Variants in CCDC33 observed in about 807,000 individuals in gnomAD.
The protein encoded by CCDC33 is coiled-coil domain-containing protein 33.
Under a neutral mutation model 91.9 loss-of-function variants are expected in CCDC33, and 94 were observed. The ratio of observed to expected loss-of-function variants is 1.02; its 90% CI spans 0.87 to 1.21. The LOEUF (loss-of-function observed/expected upper bound fraction) is 1.21. CCDC33 is among the 50% of genes most tolerant of loss of function. CCDC33 has a pLI of 0.00. For synonymous variants in CCDC33, 396 were observed against 374.5 expected, an observed-to-expected ratio of 1.06 and a Z score of -0.66; for missense variants, 940 against 935.5, an observed-to-expected ratio of 1.00 and a Z score of -0.06.
intron 2 of CCDC33, among the ~76,000 whole-genome samples, chr15:74,260,345 C>T (rs1046824318): frequency 6.6e-6 from 1 of 152,180 alleles, no homozygotes; most frequent in East Asian, 1.9e-4. Flanking sequence ...TTCTGCAGAG[C>T]CTGCAGGGGT....
chr15:74,304,381 C>G (rs2059852658), intron 11 of CCDC33: 1 of 152,248 alleles, frequency 6.6e-6, no homozygotes, highest in Non-Finnish European at 1.5e-5. Context: ...TCCGGCAGGG[C>G]TGTTCCCAGA....
At chr15:74,245,455 AGGCT>A (rs1474548291) in intron 2 of CCDC33, among the ~76,000 whole-genome samples, 2 of 152,122 alleles carry the variant, frequency 1.3e-5, no homozygotes, top group Non-Finnish European at 2.9e-5. Context: ...CTTGGCAGGG[AGGCT>A]GGTTTCTAGC....
intron 11 of CCDC33, among the ~76,000 whole-genome samples, chr15:74,314,302 C>T (rs927439508): frequency 1.3e-5 from 2 of 152,246 alleles, no homozygotes; most frequent in Non-Finnish European, 2.9e-5. Context: ...ATCTGTGTCT[C>T]CAGTGCCCAC....
upstream of CCDC33, among the ~76,000 whole-genome samples, chr15:74,234,757 C>T (rs886853209): frequency 4.6e-5 from 7 of 152,172 alleles, no homozygotes; most frequent in African/African-American, 7.2e-5. Flanking sequence ...CCCCGAGCCC[C>T]GGGGACTGAG....
chr15:74,218,942 CCT>C lies in CCDC33; in HGVS notation c.675+82_675+83del. On this transcript the variant is annotated intron_variant, in intron 2 of 2. Coordinates refer to the CCDC33 transcript ENST00000635913. This position sits in a 1 kb window ranked among gnomAD's most constrained non-coding sequence, Gnocchi z 4.8. ...GCCTCCGTGATAAGCCAGGCTACCCCCTGTCCTGAGCTGAGCTGAGCAGAGCA... is the reference window on the plus strand; with the variant it reads ...GCCTCCGTGATAAGCCAGGCTACCCCGTCCTGAGCTGAGCTGAGCAGAGCA... The C allele has an allele frequency of 8.5e-7, 1 of 1,183,228 alleles. No individual in the cohort carries two copies. Among genetic ancestry groups the C allele is most frequent in the South Asian group, 1.5e-5 (1 of 64,882 alleles). 73.3% of individuals were successfully genotyped at this position (1,183,228 alleles called of 1,614,324 possible).
chr15:74,331,018 A>G lies in CCDC33; in HGVS notation c.1583A>G (p.Gln528Arg). Residue 528 changes from glutamine to arginine, a missense_variant, in exon 14 of 19, where the codon CAG becomes CGG. Gln to Arg is a conservative substitution (Grantham distance 43). Transcript: ENST00000398814. The stretch of plus-strand genomic sequence containing the variant: ...GAGAAGGAGCTGCTCCTTCTGTATC[A>G]GGCCCAGCAGCCACAGGCCGCTCTG... ...DREKELLLLY[Q>R]AQQPQAALLK... The G allele has an allele frequency of 1.2e-6, 2 of 1,609,366 alleles. No individual in the cohort carries two copies. Among genetic ancestry groups the G allele is most frequent in the Non-Finnish European group, 1.7e-6 (2 of 1,177,740 alleles).
At chr15:74,317,322 C>G (rs915152364) in intron 11 of CCDC33, among the ~76,000 whole-genome samples, 3 of 152,180 alleles carry the variant, frequency 2.0e-5, no homozygotes, top group African/African-American at 7.2e-5. Flanking sequence ...GATCGCGCCA[C>G]TGTACTCCAG....
rs537361497 is a variant in CCDC33, at chr15:74,270,726, G to A, written c.547-977G>A. Among the ~76,000 whole-genome samples, 123 of 152,210 alleles carry A rather than the reference G, an allele frequency of 8.1e-4. 2 individuals carry two copies. Among genetic ancestry groups the A allele is most frequent in the African/African-American group, 2.8e-3 (115 of 41,542 alleles). On this transcript the variant is annotated intron_variant, in intron 5 of 18. Coordinates refer to ENST00000398814, the MANE Select transcript of CCDC33 (RefSeq NM_025055.5). The stretch of plus-strand genomic sequence containing the variant: ...GGCCTCTTAGGCTGGCAGCAGAGGC[G>A]CATGGGGACAGACTCCCTGTCTCCC...
intron 1 of CCDC33, among the ~76,000 whole-genome samples, chr15:74,209,181 A>G (rs2074329174): frequency 6.6e-6 from 1 of 152,054 alleles, no homozygotes; most frequent in African/African-American, 2.4e-5. Context: ...GGGGCCCCAC[A>G]CAACACACAG....
rs527513117 is a variant in CCDC33 at position 74,218,284 on chromosome 15, G to A, written c.311-213G>A. The stretch of plus-strand genomic sequence containing the variant: ...AGCCCTCCCTTCCTCACCCCTGCCC[G>A]GTGGGCTTGGATTGGGCATCAGCAA... On this transcript the variant is annotated intron_variant, in intron 1 of 2. Coordinates refer to the CCDC33 transcript ENST00000635913. The surrounding 1 kb of genome is among the most constrained non-coding windows in gnomAD (Gnocchi z 4.8). Among the ~76,000 whole-genome samples, 1 of 152,158 alleles carries A rather than the reference G, an allele frequency of 6.6e-6. No individual in the cohort carries two copies. Among genetic ancestry groups the A allele is most frequent in the African/African-American group, 2.4e-5 (1 of 41,452 alleles).
intron 3 of CCDC33, among the ~76,000 whole-genome samples, chr15:74,264,029 G>T (rs2076098869): frequency 6.6e-6 from 1 of 152,138 alleles, no homozygotes; most frequent in Non-Finnish European, 1.5e-5. Flanking sequence ...AATAAGGTCA[G>T]TGACCCCAGG....
chr15:74,323,888 G>A (rs1325925510), intron 11 of CCDC33, among the ~76,000 whole-genome samples: 1 of 148,672 alleles, frequency 6.7e-6, no homozygotes, highest in Non-Finnish European at 1.5e-5. Context: ...TCAGGAGTTC[G>A]AGACTAGCCT....
intron 11 of CCDC33, among the ~76,000 whole-genome samples, chr15:74,312,468 C>T (rs771660771): frequency 6.6e-6 from 1 of 152,142 alleles, no homozygotes; most frequent in African/African-American, 2.4e-5. Context: ...ATTGTGCTAC[C>T]GGCTGCAGAT....
intron 2 of CCDC33, among the ~76,000 whole-genome samples, chr15:74,247,963 G>C (rs1307067084): frequency 6.6e-6 from 1 of 152,138 alleles, no homozygotes; most frequent in East Asian, 1.9e-4. Flanking sequence ...TGTAATCCCA[G>C]CTACTTGGGA....
At chr15:74,288,581 G>A (rs1043042329) in intron 10 of CCDC33, among the ~76,000 whole-genome samples, 2 of 152,352 alleles carry the variant, frequency 1.3e-5, no homozygotes, top group East Asian at 3.9e-4. Flanking sequence ...ACATCAGTAA[G>A]CAGCATGTCT....
intron 18 of CCDC33, chr15:74,335,635 G>A (rs1482285494): frequency 5.1e-6 from 2 of 391,932 alleles, no homozygotes; most frequent in Non-Finnish European, 9.3e-6. Context: ...TGAGCCAGCT[G>A]TGCTTTGCCC....
At chr15:74,323,498 T>G (rs887314175) in intron 11 of CCDC33, among the ~76,000 whole-genome samples, 1 of 151,126 alleles carries the variant, frequency 6.6e-6, no homozygotes, top group African/African-American at 2.4e-5. Flanking sequence ...TTTCTGTCCT[T>G]GCTTTGCTTC....
chr15:74,206,879 C>T (rs1051768677), intron 1 of CCDC33, among the ~76,000 whole-genome samples: 8 of 152,238 alleles, frequency 5.3e-5, no homozygotes, highest in Admixed American at 2.0e-4. Flanking sequence ...GAGGCTGATG[C>T]CAGTATCCAA....
Position 74,243,980 on chromosome 15 carries a change from C to A in CCDC33, c.22-5C>A, listed in dbSNP as rs754114257. 1.2e-6 allele frequency: 2 copies of A among 1,605,664 alleles called. No individual in the cohort carries two copies. The highest frequency in any genetic ancestry group is 2.2e-5 in the South Asian group (2 of 90,042). ...AAAAACACTCAGCCCTGGCTCTCCC[C>A]ACAGAACACTGAAGACCCAGAGGAG... is the stretch of plus-strand genomic sequence containing the variant. On this transcript the variant is annotated splice_polypyrimidine_tract_variant and splice_region_variant and intron_variant, in intron 1 of 18. Coordinates refer to ENST00000398814, the MANE Select transcript of CCDC33 (RefSeq NM_025055.5).
Sources: allele counts gnomAD v4.1 joint callset (sites outside exome capture counted in the v4.1 genomes callset), GRCh38; gene constraint gnomAD v4.1.1; non-coding constraint Gnocchi (gnomAD v3.1); transcripts MANE v1.5; gene names NCBI Gene and HGNC (gene_info 2026-07-23, HGNC 2026-07-21).